GRM7: variants seen among roughly 807,000 people sequenced by gnomAD.
GRM7 encodes the protein metabotropic glutamate receptor 7.
Under a neutral mutation model 84.5 loss-of-function variants are expected in GRM7, and 35 were observed. That is an observed-to-expected ratio of 0.41 (90% confidence interval 0.32 to 0.55). The LOEUF is 0.55. Ranked by LOEUF, GRM7 falls within the 20% of genes least tolerant of loss-of-function variation. GRM7 has a pLI of 0.19. For missense variants in GRM7, 1,003 were observed against 1,194.6 expected (o/e 0.84, Z 2.36); for synonymous variants, 487 against 455.1 (o/e 1.07, Z -0.89).
At chr3:7,306,841 A>C (rs1700211236) in intron 4 of GRM7, among the ~76,000 whole-genome samples, 189 bp downstream of exon 4, 1 of 152,164 alleles carries the variant, frequency 6.6e-6, no homozygotes, top group South Asian at 2.1e-4. Flanking sequence ...TCCTCTTTTG[A>C]GGAGATCATA....
At chr3:6,947,485 G>C (rs995033906) in intron 1 of GRM7, among the ~76,000 whole-genome samples, 1 of 152,292 alleles carries the variant, frequency 6.6e-6, no homozygotes, top group East Asian at 1.9e-4. Flanking sequence ...TTGCATCAAT[G>C]TTCGTCAAGG....
chr3:7,322,189 T>A (rs1700807737), intron 4 of GRM7, among the ~76,000 whole-genome samples: 1 of 152,042 alleles, frequency 6.6e-6, no homozygotes, highest in South Asian at 2.1e-4. Context: ...AGTAGTGAAC[T>A]TCTAGTGGAC....
chr3:7,355,237 A>G (rs1693340888), intron 4 of GRM7, among the ~76,000 whole-genome samples: 1 of 152,158 alleles, frequency 6.6e-6, no homozygotes, highest in Non-Finnish European at 1.5e-5. Context: ...AAGAGGCACA[A>G]TGCCTAGTAC....
intron 7 of GRM7, among the ~76,000 whole-genome samples, chr3:7,504,809 T>A (rs1234814899): frequency 6.6e-6 from 1 of 152,204 alleles, no homozygotes. Flanking sequence ...GCCATAGCAT[T>A]CTGTCTCTAG....
intron 2 of GRM7, among the ~76,000 whole-genome samples, chr3:7,276,805 T>TCCTTCCTTCCCTTCCTCCCTCCC (rs1699086677): frequency 1.5e-3 from 2 of 1,340 alleles, no homozygotes; most frequent in African/African-American, 1.7e-3. Context: ...CTTCCTTCCT[T>TCCTTCCTTCCCTTCCTCCCTCCC]TTTGGTGGTG....
chr3:7,692,059 G>C (rs1700823360), intron 9 of GRM7, among the ~76,000 whole-genome samples: 1 of 152,076 alleles, frequency 6.6e-6, no homozygotes, highest in Non-Finnish European at 1.5e-5. Flanking sequence ...ATCTAGGATT[G>C]CCAATAAAGT....
chr3:7,291,480 G>A (rs897040379), intron 2 of GRM7, among the ~76,000 whole-genome samples: 3 of 140,022 alleles, frequency 2.1e-5, no homozygotes, highest in African/African-American at 5.5e-5. Context: ...TAGAGGAAAA[G>A]TCATGCCAGC....
chr3:7,073,460 A>G (rs1285671378), intron 1 of GRM7, among the ~76,000 whole-genome samples: 1 of 152,156 alleles, frequency 6.6e-6, no homozygotes, highest in African/African-American at 2.4e-5. Context: ...TATATTACAA[A>G]CAAGCAGATG....
intron 8 of GRM7, among the ~76,000 whole-genome samples, chr3:7,621,388 C>A (rs1458823824): frequency 6.6e-6 from 1 of 152,062 alleles, no homozygotes; most frequent in Admixed American, 6.6e-5. Context: ...TTAGTAGCAA[C>A]AAGAATTGGA....
intron 4 of GRM7, among the ~76,000 whole-genome samples, chr3:7,387,516 C>T (rs911331139): frequency 5.3e-5 from 8 of 152,104 alleles, no homozygotes; most frequent in Admixed American, 3.9e-4. Context: ...TGGTTATTCA[C>T]TTTCCCTTGT....
chr3:7,684,515 T>A (rs528242217), intron 9 of GRM7, among the ~76,000 whole-genome samples: 24 of 152,344 alleles, frequency 1.6e-4, no homozygotes, highest in Admixed American at 1.6e-3. Flanking sequence ...GTTTGCCATC[T>A]GGTGCATGCA....
Position 7,207,238 on chromosome 3 carries a change from A to G in GRM7, c.736+60570A>G, listed in dbSNP as rs138668137. On this transcript the variant is annotated intron_variant, in intron 2 of 9. Transcript: ENST00000357716. ...TCTTCACCTTGACTGAGAGTTGGCA[A>G]TGCCCGAGGAGTTTGGAAATATACT... 4.1e-3 allele frequency among the ~76,000 whole-genome samples: 628 copies of G among 152,272 alleles called. 4 individuals carry two copies. The highest frequency in any genetic ancestry group is 0.014 in the African/African-American group (596 of 41,550).
intron 1 of GRM7, among the ~76,000 whole-genome samples, chr3:7,011,793 T>C (rs926434037): frequency 2.0e-5 from 3 of 152,152 alleles, no homozygotes; most frequent in Non-Finnish European, 4.4e-5. Context: ...CTTGAAGGAT[T>C]AAAAAGAGAT....
At chr3:6,969,088 G>GT (rs71307754) in intron 1 of GRM7, among the ~76,000 whole-genome samples, 29,725 of 148,772 alleles carry the variant, frequency 0.2, 2,905 homozygotes, top group South Asian at 0.25. Flanking sequence ...AAACCAGGGT[G>GT]TTTTTTTTTT....
chr3:7,397,828 G>A (rs992364372), intron 4 of GRM7, among the ~76,000 whole-genome samples: 2 of 152,008 alleles, frequency 1.3e-5, no homozygotes, highest in African/African-American at 4.8e-5. Context: ...GTACAGTTAG[G>A]GAATCTAGTA....
intron 9 of GRM7, among the ~76,000 whole-genome samples, chr3:7,692,284 G>T (rs541309734): frequency 6.6e-6 from 1 of 152,280 alleles, no homozygotes; most frequent in African/African-American, 2.4e-5. Flanking sequence ...TGGCCGGCTG[G>T]CAAGCTGAAG....
chr3:7,649,929 T>C (rs1698847864), intron 8 of GRM7, among the ~76,000 whole-genome samples: 1 of 152,210 alleles, frequency 6.6e-6, no homozygotes, highest in Admixed American at 6.5e-5. Context: ...ATAGTGGTGA[T>C]AATAGATTGT....
At chr3:7,714,146 A>G (rs924861316) in intron 9 of GRM7, among the ~76,000 whole-genome samples, 3 of 152,236 alleles carry the variant, frequency 2.0e-5, no homozygotes, top group Non-Finnish European at 4.4e-5. Flanking sequence ...AACACTCTAC[A>G]GAGCTGTGCC....
chr3:6,957,302 C>T (rs1435063352), intron 1 of GRM7, among the ~76,000 whole-genome samples: 1 of 152,178 alleles, frequency 6.6e-6, no homozygotes, highest in African/African-American at 2.4e-5. Flanking sequence ...TAAGGTGTCT[C>T]ACTTGTCAGC....
Sources: gnomAD v4.1 joint callset for allele counts (sites outside exome capture counted in the v4.1 genomes callset) on GRCh38, gnomAD v4.1.1 for gene constraint, MANE v1.5 for transcripts, NCBI Gene and HGNC (gene_info 2026-07-23, HGNC 2026-07-21) for gene names.